Variants in GRIA3 observed in about 807,000 individuals in gnomAD.
GRIA3 encodes the protein glutamate ionotropic receptor AMPA type subunit 3.
A neutral mutation model predicts 63.0 loss-of-function variants in GRIA3; 3 were observed. The observed-to-expected ratio is 0.05, with a 90% CI of 0.02 to 0.12. GRIA3 has a LOEUF of 0.12. Ranked by LOEUF, GRIA3 falls within the 10% of genes least tolerant of loss-of-function variation. The pLI, the probability that GRIA3 is intolerant of heterozygous loss-of-function variation, is 1.00. For missense variants in GRIA3, 347 were observed against 700.9 expected, an observed-to-expected ratio of 0.50 and a Z score of 5.70; for synonymous variants, 274 against 257.9, an observed-to-expected ratio of 1.06 and a Z score of -0.60.
Position 123,403,429 on chromosome X carries a change from G to A in GRIA3, c.1203G>A (p.Glu401=). 1 of 1,177,362 alleles carries A rather than the reference G, an allele frequency of 8.5e-7. No homozygotes were observed. Among genetic ancestry groups the A allele is most frequent in the Non-Finnish European group, 1.2e-6 (1 of 863,990 alleles). The change falls in exon 9 of 16, where the codon GAG becomes GAA. Residue 401 remains glutamate (E), a synonymous_variant. Coordinates refer to ENST00000620443, the MANE Select transcript of GRIA3 (RefSeq NM_007325.5). ...SGSRKAGYWN[E]YERFVPFSDQ... ...CTTTCTAGGCTGGCTACTGGAATGA[G>A]TATGAAAGGTTTGTGCCTTTCTCAG...
In GRIA3 at chrX:123,462,931, T is replaced by C. The variant is rs73229301; in HGVS notation, c.2077-1934T>C. Among the ~76,000 whole-genome samples, 543 of 111,932 alleles carry C rather than the reference T, an allele frequency of 4.9e-3. 1 individual carries two copies. The highest frequency in any genetic ancestry group is 8.0e-3 in the Non-Finnish European group (427 of 53,181). ...AGCTCCCAAGTCAATTGGAAGTTTT[T>C]GAGTCATTGAGTCTACAATTCTTTT... On this transcript the variant is annotated intron_variant, in intron 12 of 15. Transcript: ENST00000620443.
intron 4 of GRIA3, among the ~76,000 whole-genome samples, chrX:123,339,647 T>A (rs1001725584): frequency 1.8e-5 from 2 of 112,032 alleles, no homozygotes; most frequent in African/African-American, 6.5e-5. Context: ...GAACTAAGTT[T>A]CCAAGGACCC....
chrX:123,485,671 T>A (rs2045936215), intron 15 of GRIA3, among the ~76,000 whole-genome samples: 1 of 111,445 alleles, frequency 9.0e-6, no homozygotes, highest in Admixed American at 9.5e-5. Flanking sequence ...ACTCCTACTT[T>A]CCCCAGAAAG....
intron 12 of GRIA3, among the ~76,000 whole-genome samples, chrX:123,452,361 C>CA (rs202038754): frequency 0.042 from 4,580 of 108,105 alleles, 285 homozygotes; most frequent in African/African-American, 0.14. Context: ...CACTCCCCCC[C>CA]CAAAAAAAAA....
At chrX:123,252,101 C>T (rs2044393836) in intron 2 of GRIA3, among the ~76,000 whole-genome samples, 1 of 111,977 alleles carries the variant, frequency 8.9e-6, no homozygotes. Flanking sequence ...CTCCAGACCC[C>T]ATACACATTC....
chrX:123,269,485 T>G (rs887300483), intron 3 of GRIA3, among the ~76,000 whole-genome samples: 1 of 111,899 alleles, frequency 8.9e-6, no homozygotes, highest in Non-Finnish European at 1.9e-5. Context: ...TCCCATGCCT[T>G]GGTGCCACCT....
chrX:123,319,694 G>A (rs2044855136), intron 3 of GRIA3, among the ~76,000 whole-genome samples: 1 of 110,711 alleles, frequency 9.0e-6, no homozygotes. Context: ...TGTAAACCTG[G>A]CCTGAGCCCT....
chrX:123,213,186 T>A (rs1928080653), intron 2 of GRIA3, among the ~76,000 whole-genome samples: 1 of 111,881 alleles, frequency 8.9e-6, no homozygotes, highest in African/African-American at 3.2e-5. Flanking sequence ...CATGGAAAAA[T>A]TATCTTCCAT....
At chrX:123,269,159 C>T (rs955303951) in intron 3 of GRIA3, among the ~76,000 whole-genome samples, 7 of 112,085 alleles carry the variant, frequency 6.2e-5, no homozygotes, top group Admixed American at 9.4e-5. Flanking sequence ...CAACAAGTCA[C>T]GGCATTAAAT....
In GRIA3 at chrX:123,215,911, A is replaced by G. The variant is rs1235795534; in HGVS notation, c.268+29921A>G. On this transcript the variant is annotated intron_variant, in intron 2 of 15. Coordinates refer to ENST00000620443, the MANE Select transcript of GRIA3 (RefSeq NM_007325.5). Reference sequence around the variant, plus strand: ...GCAGTTCCAGGGCTCGGTTCCAGCAACCAGCACAAACCCAGTCACAGGCTG... The same window carrying G: ...GCAGTTCCAGGGCTCGGTTCCAGCAGCCAGCACAAACCCAGTCACAGGCTG... Among the ~76,000 whole-genome samples, 5 of 111,878 alleles carry G rather than the reference A, an allele frequency of 4.5e-5. No homozygotes were observed. The South Asian group carries it at 1.5e-3, about 34-fold the overall frequency.
chrX:123,394,312 A>G (rs1451760096), intron 5 of GRIA3, among the ~76,000 whole-genome samples: 1 of 110,443 alleles, frequency 9.1e-6, no homozygotes, highest in Non-Finnish European at 1.9e-5. Context: ...GGTTGCAGTG[A>G]GCCGAGATCA....
At chrX:123,248,632 AAAAATTAGCCGGGCATGGT>A (rs2044372254) in intron 2 of GRIA3, among the ~76,000 whole-genome samples, 2 of 110,619 alleles carry the variant, frequency 1.8e-5, no homozygotes, top group Non-Finnish European at 3.8e-5. Context: ...CTAAATATAC[AAAAATTAGCCGGGCATGGT>A]GGCGCATGCC....
At chrX:123,429,209 T>C (rs1022432116) in intron 12 of GRIA3, among the ~76,000 whole-genome samples, 3 of 112,051 alleles carry the variant, frequency 2.7e-5, no homozygotes, top group African/African-American at 9.7e-5. Context: ...AAACCTCCTT[T>C]TTAAATAATC....
chrX:123,463,579 G>GAA (rs1316393551), intron 12 of GRIA3, among the ~76,000 whole-genome samples: 544 of 16,690 alleles, frequency 0.033, 69 homozygotes, highest in African/African-American at 0.13. Flanking sequence ...AGGAAGGAAG[G>GAA]GAGGGAGGGA....
At chrX:123,249,040 G>A (rs1459050149) in intron 2 of GRIA3, among the ~76,000 whole-genome samples, 1 of 111,763 alleles carries the variant, frequency 8.9e-6, no homozygotes, top group Non-Finnish European at 1.9e-5. Context: ...TCACTTTCAT[G>A]CAGGTGAATC....
intron 5 of GRIA3, among the ~76,000 whole-genome samples, chrX:123,382,551 A>G (rs979271645): frequency 8.9e-6 from 1 of 111,902 alleles, no homozygotes; most frequent in African/African-American, 3.2e-5. Context: ...CCAAATCACA[A>G]TGTGTTTATT....
In GRIA3 at chrX:123,442,867, C is replaced by T. The variant is rs765191835; in HGVS notation, c.2076+14728C>T. 7.7e-4 allele frequency among the ~76,000 whole-genome samples: 81 copies of T among 105,805 alleles called. 1 individual carries two copies. The highest frequency in any genetic ancestry group is 1.0e-3 in the African/African-American group (29 of 28,782). 91.9% of individuals were successfully genotyped at this position (105,805 alleles called of 115,157 possible). A position where few individuals can be genotyped will look rare whatever the true frequency, so the allele number is the denominator to read the frequency against. On this transcript the variant is annotated intron_variant, in intron 12 of 15. Coordinates refer to ENST00000620443, the MANE Select transcript of GRIA3 (RefSeq NM_007325.5). ...TTTTTTCCCTATGCAAAGGATGCAG[C>T]GGGGAGGCTGGAAGTTGGGCCTGTG...
rs2045960674 is a variant in GRIA3 at position 123,489,933 on chromosome X, GGCCTCA to G, written c.*1226_*1231del. The G allele has an allele frequency of 8.9e-6, 1 of 112,060 alleles. No homozygotes were observed. The highest frequency in any genetic ancestry group is 9.5e-5 in the Admixed American group (1 of 10,574). 9.2% of individuals were successfully genotyped at this position (112,060 alleles called of 1,213,427 possible). A position where few individuals can be genotyped will look rare whatever the true frequency, so the allele number is the denominator to read the frequency against. ...TTCCCAAACCTACTGCTAATCTGAG[GGCCTCA>G]GCATCACTTCCAGATCCTTGCTTGG... On this transcript the variant is annotated 3_prime_UTR_variant, in exon 16 of 16. Coordinates refer to ENST00000620443, the MANE Select transcript of GRIA3 (RefSeq NM_007325.5).
At chrX:123,283,570 C>T (rs985928624) in intron 3 of GRIA3, among the ~76,000 whole-genome samples, 8 of 111,138 alleles carry the variant, frequency 7.2e-5, no homozygotes, top group African/African-American at 2.6e-4. Flanking sequence ...GGAGGGGCGT[C>T]CACCATTACC....
Sources: gnomAD v4.1 joint callset for allele counts (sites outside exome capture counted in the v4.1 genomes callset) on GRCh38, gnomAD v4.1.1 for gene constraint, MANE v1.5 for transcripts, NCBI Gene and HGNC (gene_info 2026-07-23, HGNC 2026-07-21) for gene names.